TMEM59: variants seen among roughly 807,000 people sequenced by gnomAD.
TMEM59 encodes transmembrane protein 59.
In TMEM59, 44 loss-of-function variants were observed where a neutral mutation model predicts 42.2. The ratio of observed to expected loss-of-function variants is 1.04; its 90% CI spans 0.82 to 1.34. TMEM59 has a LOEUF of 1.34. Ranked by LOEUF, TMEM59 falls within the 40% of genes most tolerant of loss-of-function variation. TMEM59 has a pLI of 0.00. For synonymous variants in TMEM59, 148 were observed against 145.8 expected (o/e 1.02, Z -0.11); for missense variants, 359 against 382.8 (o/e 0.94, Z 0.52).
intron 2 of TMEM59, among the ~76,000 whole-genome samples, chr1:54,046,634 G>A (rs1314253362): frequency 6.6e-6 from 1 of 152,220 alleles, no homozygotes; most frequent in Non-Finnish European, 1.5e-5. Flanking sequence ...AAGACTGTAT[G>A]TGAGCCATGG....
rs1656740578 is a variant in TMEM59, at chr1:54,030,724, A to ATGAGTTTG, written c.*1425_*1426insCAAACTCA. The ATGAGTTTG allele has an allele frequency of 6.6e-6, 1 of 152,152 alleles. No individual in the cohort carries two copies. The highest frequency in any genetic ancestry group is 1.5e-5 in the Non-Finnish European group (1 of 68,030). The allele number at this position is 152,152 out of a possible 1,614,324, so 9.4% of individuals were successfully genotyped here. On this transcript the variant is annotated 3_prime_UTR_variant, in exon 8 of 8. Coordinates refer to ENST00000234831, the MANE Select transcript of TMEM59 (RefSeq NM_004872.5). ...ACAACTTTCTATCATCCAAATCTAG[A>ATGAGTTTG]CAAACTAAAAATAAAAACCTACACT...
chr1:54,032,409 T>C, intron 7 of TMEM59, 104 bp from the exon 8 acceptor site: 3 of 1,118,106 alleles, frequency 2.7e-6, no homozygotes, highest in South Asian at 5.2e-5. Context: ...GTAAAAAAAA[T>C]TCTATAAACA....
chr1:54,030,729 C>G lies in TMEM59; in HGVS notation c.*1421G>C, dbSNP rs1656741020. On this transcript the variant is annotated 3_prime_UTR_variant, in exon 8 of 8. Coordinates refer to ENST00000234831, the MANE Select transcript of TMEM59 (RefSeq NM_004872.5). ...TTTCTATCATCCAAATCTAGACAAA[C>G]TAAAAATAAAAACCTACACTTTGTG... 6.6e-6 allele frequency: 1 copy of G among 152,134 alleles called. No homozygotes were observed. Among genetic ancestry groups the G allele is most frequent in the Non-Finnish European group, 1.5e-5 (1 of 68,022 alleles). The allele number at this position is 152,134 out of a possible 1,614,324, so 9.4% of individuals were successfully genotyped here. A position where few individuals can be genotyped will look rare whatever the true frequency, so the allele number is the denominator to read the frequency against.
Position 54,041,103 on chromosome 1 carries a change from T to A in TMEM59, c.626-266A>T, listed in dbSNP as rs936643176. ...ACATGTGAGCTTGGATTTGGTTTAT[T>A]CTAATCTAATTAAAGTTAAAGATGG... is the stretch of plus-strand genomic sequence containing the variant. On this transcript the variant is annotated intron_variant, in intron 5 of 7. Coordinates refer to ENST00000234831, the MANE Select transcript of TMEM59 (RefSeq NM_004872.5). 7.2e-5 allele frequency among the ~76,000 whole-genome samples: 11 copies of A among 152,216 alleles called. 1 individual carries two copies. The highest frequency in any genetic ancestry group is 7.2e-4 in the Admixed American group (11 of 15,278).
At chr1:54,038,185 T>C (rs1273897261) in intron 6 of TMEM59, among the ~76,000 whole-genome samples, 2 of 152,218 alleles carry the variant, frequency 1.3e-5, no homozygotes, top group African/African-American at 4.8e-5. Flanking sequence ...GTCAAATTTC[T>C]GACTCTCCTT....
At chr1:54,038,448 G>C (rs1657026818) in intron 6 of TMEM59, among the ~76,000 whole-genome samples, 1 of 152,172 alleles carries the variant, frequency 6.6e-6, no homozygotes, top group Admixed American at 6.6e-5. Context: ...TGTCTGTTTA[G>C]ATCTGAGAAC....
At chr1:54,042,878 G>A (rs751256803) in intron 4 of TMEM59, among the ~76,000 whole-genome samples, 2 of 152,096 alleles carry the variant, frequency 1.3e-5, no homozygotes, top group Non-Finnish European at 2.9e-5. Context: ...AACCTCCAGG[G>A]AATAACAGTT....
At chr1:54,046,280 C>T (rs1657333077) in intron 2 of TMEM59, among the ~76,000 whole-genome samples, 1 of 152,094 alleles carries the variant, frequency 6.6e-6, no homozygotes, top group Non-Finnish European at 1.5e-5. Context: ...AGAACCAGAT[C>T]ACTCAGTTAA....
intron 7 of TMEM59, among the ~76,000 whole-genome samples, chr1:54,032,864 T>C (rs993920439): frequency 5.3e-5 from 8 of 150,884 alleles, no homozygotes; most frequent in African/African-American, 1.9e-4. Flanking sequence ...AGAATAATAG[T>C]AATATCTAGC....
intron 6 of TMEM59, among the ~76,000 whole-genome samples, chr1:54,037,076 C>T (rs12068134): frequency 0.13 from 19,711 of 152,128 alleles, 2,952 homozygotes; most frequent in African/African-American, 0.37. Context: ...CAAGTTATTA[C>T]GATACTTGCT....
At position 54,031,398 on chromosome 1, in the gene TMEM59, T is replaced by C. The variant is rs939618834; in HGVS notation, c.*752A>G. 1 of 152,242 alleles carries C rather than the reference T, an allele frequency of 6.6e-6. No homozygotes were observed. Among genetic ancestry groups the C allele is most frequent in the African/African-American group, 2.4e-5 (1 of 41,464 alleles). The allele number at this position is 152,242 out of a possible 1,614,324, so 9.4% of individuals were successfully genotyped here. ...AAGAGTCTAATTTTTAGTGTTAAAA[T>C]GAAGTTTTCTCTGAAAATATGTTTA... On this transcript the variant is annotated 3_prime_UTR_variant, in exon 8 of 8. Coordinates refer to ENST00000234831, the MANE Select transcript of TMEM59 (RefSeq NM_004872.5).
chr1:54,042,572 G>A lies in TMEM59; in HGVS notation c.544-767C>T, dbSNP rs1657177311. On this transcript the variant is annotated intron_variant, in intron 4 of 7. Transcript: ENST00000234831. ...AAATCACATACCAGCCATACATTAA[G>A]CCACTTACTTAGCTACAGTACTTAA... Among the ~76,000 whole-genome samples the A allele has an allele frequency of 2.0e-5, 3 of 152,164 alleles. No homozygotes were observed. The South Asian group carries it at 6.2e-4, about 32-fold the overall frequency.
At chr1:54,052,640 T>A (rs1160223832) in intron 1 of TMEM59, among the ~76,000 whole-genome samples, 1 of 152,142 alleles carries the variant, frequency 6.6e-6, no homozygotes, top group Non-Finnish European at 1.5e-5. Context: ...CCTCCCTTTC[T>A]ACAATCCCCC....
intron 7 of TMEM59, among the ~76,000 whole-genome samples, chr1:54,032,701 G>A (rs925566381): frequency 3.9e-5 from 6 of 152,202 alleles, no homozygotes; most frequent in African/African-American, 1.2e-4. Flanking sequence ...AAAAGGCTGC[G>A]AGAACAAAGA....
At chr1:54,045,262 C>A (rs1657291523) in intron 3 of TMEM59, among the ~76,000 whole-genome samples, 1 of 152,012 alleles carries the variant, frequency 6.6e-6, no homozygotes, top group South Asian at 2.1e-4. Flanking sequence ...CTGGACACAG[C>A]AAAGGATGGA....
chr1:54,033,190 GC>G, intron 7 of TMEM59: 1 of 150,680 alleles, frequency 6.6e-6, no homozygotes, highest in Non-Finnish European at 1.5e-5. Flanking sequence ...CAGACTCCTG[GC>G]CTCAAGTGAT....
At chr1:54,047,148 A>G (rs1569963877) in intron 2 of TMEM59, 119 bp downstream of exon 2, 7 of 746,212 alleles carry the variant, frequency 9.4e-6, no homozygotes, top group Non-Finnish European at 1.5e-5. Context: ...AATAATTACA[A>G]TATGTTAGAT....
chr1:54,049,342 T>A (rs1657450452), intron 1 of TMEM59, among the ~76,000 whole-genome samples: 1 of 152,198 alleles, frequency 6.6e-6, no homozygotes, highest in Non-Finnish European at 1.5e-5. Flanking sequence ...AATTATATAT[T>A]TATATCTACA....
At chr1:54,040,908 G>A in intron 5 of TMEM59, 71 bp from the exon 6 acceptor site, 1 of 1,171,942 alleles carries the variant, frequency 8.5e-7, no homozygotes, top group Non-Finnish European at 1.3e-6. Flanking sequence ...ACTACTTCTA[G>A]ATATATACAC....
Sources: gnomAD v4.1 joint callset for allele counts (sites outside exome capture counted in the v4.1 genomes callset) on GRCh38, gnomAD v4.1.1 for gene constraint, MANE v1.5 for transcripts, NCBI Gene and HGNC (gene_info 2026-07-23, HGNC 2026-07-21) for gene names.